Variants in KIF2A observed in about 807,000 individuals in gnomAD.
KIF2A encodes the protein kinesin family member 2A, also known as kinesin-like protein KIF2A.
In KIF2A, 22 loss-of-function variants were observed where a neutral mutation model predicts 100.2. The observed-to-expected ratio is 0.22, with a 90% confidence interval of 0.16 to 0.31. The LOEUF (loss-of-function observed/expected upper bound fraction) is 0.31. Ranked by LOEUF, KIF2A falls within the 10% of genes least tolerant of loss-of-function variation. The probability of loss-of-function intolerance (pLI) is 1.00; values close to 1 mark genes in which losing one functional copy is unlikely to be tolerated. For synonymous variants in KIF2A, 268 were observed against 285.9 expected (o/e 0.94, Z 0.63); for missense variants, 495 against 898.7 (o/e 0.55, Z 5.74).
intron 1 of KIF2A, among the ~76,000 whole-genome samples, chr5:62,320,321 C>T (rs1472463432): frequency 6.6e-6 from 1 of 152,142 alleles, no homozygotes; most frequent in Non-Finnish European, 1.5e-5. Context: ...TAGCCTTCAA[C>T]TCTTGACATT....
intron 1 of KIF2A, among the ~76,000 whole-genome samples, chr5:62,332,806 A>G (rs1470699804): frequency 1.3e-5 from 2 of 152,220 alleles, no homozygotes; most frequent in Non-Finnish European, 2.9e-5. Flanking sequence ...AGATTAACAA[A>G]TCAGATTTAT....
At position 62,388,370 on chromosome 5, in the gene KIF2A, T is replaced by A. The variant is rs1742134154; in HGVS notation, c.*2801T>A. On this transcript the variant is annotated 3_prime_UTR_variant, in exon 21 of 21. Coordinates refer to ENST00000407818, the MANE Select transcript of KIF2A (RefSeq NM_001098511.3). ...TTTTACATGTTGGGAGTCATGCCCT[T>A]TAATATGCCTGGCACTGCACGGTGG... 6.6e-6 allele frequency: 1 copy of A among 152,264 alleles called. No homozygotes were observed. The highest frequency in any genetic ancestry group is 1.5e-5 in the Non-Finnish European group (1 of 68,074). 9.4% of individuals were successfully genotyped at this position (152,264 alleles called of 1,614,324 possible).
In KIF2A at chr5:62,373,713, C is replaced by T. The variant is rs1189394916; in HGVS notation, c.1787C>T (p.Thr596Ile). 1 of 1,613,566 alleles carries T rather than the reference C, an allele frequency of 6.2e-7. No individual in the cohort carries two copies. Among genetic ancestry groups the T allele is most frequent in the Admixed American group, 1.7e-5 (1 of 59,998 alleles). ...GTCAAAGAATTGACTGTAGATCCAACTGCTGCTGGTGATGTTCGTCCAATA... is the reference window on the plus strand; with the variant it reads ...GTCAAAGAATTGACTGTAGATCCAATTGCTGCTGGTGATGTTCGTCCAATA... ...TRVKELTVDP[T>I]AAGDVRPIMH... Residue 596 changes from threonine to isoleucine, a missense_variant, in exon 18 of 21, where the codon ACT becomes ATT. Around this residue, in one of 10 missense-constraint regions of KIF2A, gnomAD observed 100 missense variants for 138.2 expected, o/e 0.72. Transcript: ENST00000407818.
At chr5:62,384,087 AT>A (rs1741909210) in intron 20 of KIF2A, among the ~76,000 whole-genome samples, 1 of 152,096 alleles carries the variant, frequency 6.6e-6, no homozygotes, top group Admixed American at 6.5e-5. Context: ...AAATACAAAA[AT>A]TAGCCAGGCA....
intron 1 of KIF2A, among the ~76,000 whole-genome samples, chr5:62,344,933 T>C (rs796212229): frequency 2.0e-5 from 3 of 152,364 alleles, no homozygotes; most frequent in African/African-American, 7.2e-5. Context: ...TATGGATTTT[T>C]ATATGAGCTC....
chr5:62,324,496 C>T (rs1359398371), intron 1 of KIF2A, among the ~76,000 whole-genome samples: 3 of 152,070 alleles, frequency 2.0e-5, no homozygotes, highest in Admixed American at 6.5e-5. Flanking sequence ...AGCGCGGTAC[C>T]GATATAAAAA....
intron 1 of KIF2A, 140 bp downstream of exon 1, chr5:62,306,676 T>C: frequency 3.0e-6 from 2 of 666,830 alleles, no homozygotes; most frequent in Non-Finnish European, 5.0e-6. Context: ...CGCTTTTGTG[T>C]GTGGCGTGTG....
chr5:62,346,316 C>T (rs1227703145), intron 1 of KIF2A, among the ~76,000 whole-genome samples: 1 of 152,062 alleles, frequency 6.6e-6, no homozygotes, highest in East Asian at 1.9e-4. Context: ...TAGAAGAGGA[C>T]ATTTTAAATG....
intron 1 of KIF2A, among the ~76,000 whole-genome samples, chr5:62,313,942 C>T (rs576682636): frequency 2.6e-5 from 4 of 152,092 alleles, no homozygotes; most frequent in African/African-American, 9.6e-5. Context: ...CAGGTATGCA[C>T]AACCATGCCT....
At chr5:62,314,765 T>TG (rs963204184) in intron 1 of KIF2A, among the ~76,000 whole-genome samples, 4 of 146,816 alleles carry the variant, frequency 2.7e-5, no homozygotes, top group African/African-American at 7.5e-5. Context: ...ACTGTTTTTT[T>TG]TTTTTTTTTT....
chr5:62,358,263 C>G lies in KIF2A; in HGVS notation c.836C>G (p.Ala279Gly). 1.3e-6 allele frequency: 2 copies of G among 1,594,578 alleles called. No individual in the cohort carries two copies. Among genetic ancestry groups the G allele is most frequent in the Non-Finnish European group, 1.7e-6 (2 of 1,174,008 alleles). Residue 279 changes from alanine to glycine, a missense_variant, in exon 9 of 21, where the codon GCC becomes GGC. Coordinates refer to ENST00000407818, the MANE Select transcript of KIF2A (RefSeq NM_001098511.3). Reference sequence around the variant, plus strand: ...AACCAAACATTTCGTTTTGATTATGCCTTTGATGACTCAGCTCCTAATGAA... The same window carrying G: ...AACCAAACATTTCGTTTTGATTATGGCTTTGATGACTCAGCTCCTAATGAA... ...LENQTFRFDY[A>G]FDDSAPNEMV...
At chr5:62,350,151 C>A in intron 4 of KIF2A, 31 bp downstream of exon 4, 1 of 1,279,594 alleles carries the variant, frequency 7.8e-7, no homozygotes, top group Non-Finnish European at 1.1e-6. Flanking sequence ...TTAATTTTGG[C>A]TATTGACTTC....
At chr5:62,331,844 GA>G (rs1222790464) in intron 1 of KIF2A, among the ~76,000 whole-genome samples, 2 of 150,656 alleles carry the variant, frequency 1.3e-5, no homozygotes, top group East Asian at 3.9e-4. Flanking sequence ...GCTTGGATCT[GA>G]AAAGAATTGA....
rs539107433 is a variant in KIF2A at position 62,390,815 on chromosome 5, C to G, written c.*5246C>G. On this transcript the variant is annotated 3_prime_UTR_variant, in exon 21 of 21. Transcript: ENST00000407818. ...TACCGCTTAAAAGCCTTTAAAATCT[C>G]CAATCTGAAGGTGTCACAGTAAAGA... The G allele has an allele frequency of 1.1e-4, 151 of 1,388,582 alleles. 4 individuals carry two copies. The South Asian group carries it at 1.1e-3, about 10-fold the overall frequency. The allele number at this position is 1,388,582 out of a possible 1,614,324, so 86.0% of individuals were successfully genotyped here. A position where few individuals can be genotyped will look rare whatever the true frequency, so the allele number is the denominator to read the frequency against.
Position 62,373,565 on chromosome 5 carries a change from A to G in KIF2A, c.1761-122A>G, listed in dbSNP as rs182840019. On this transcript the variant is annotated intron_variant, in intron 17 of 20. Coordinates refer to ENST00000407818, the MANE Select transcript of KIF2A (RefSeq NM_001098511.3). Reference sequence around the variant, plus strand: ...TACAGATTTCAGATAAATTTTACCTATAAAGGTGACATCATCAATCTTAGT... The same window carrying G: ...TACAGATTTCAGATAAATTTTACCTGTAAAGGTGACATCATCAATCTTAGT... 4.6e-4 allele frequency: 319 copies of G among 688,962 alleles called. 2 individuals are homozygous for G. The African/African-American group carries it at 5.4e-3, about 12-fold the overall frequency. The allele number at this position is 688,962 out of a possible 1,614,324, so 42.7% of individuals were successfully genotyped here.
intron 1 of KIF2A, among the ~76,000 whole-genome samples, chr5:62,318,448 T>C (rs1007982218): frequency 6.6e-5 from 10 of 152,228 alleles, no homozygotes; most frequent in Admixed American, 1.3e-4. Context: ...GTGTGTTTAT[T>C]TTTTAAATTA....
At chr5:62,346,418 A>G (rs1747572926) in intron 1 of KIF2A, among the ~76,000 whole-genome samples, 1 of 152,162 alleles carries the variant, frequency 6.6e-6, no homozygotes, top group South Asian at 2.1e-4. Flanking sequence ...TTTAAGTAAA[A>G]AGTATTTTAT....
chr5:62,306,563 C>T, intron 1 of KIF2A, 27 bp downstream of exon 1: 2 of 1,532,736 alleles, frequency 1.3e-6, no homozygotes, highest in Non-Finnish European at 1.8e-6. Context: ...GCCCCGCTGG[C>T]CCGCTCGGCC....
intron 14 of KIF2A, among the ~76,000 whole-genome samples, chr5:62,364,109 G>GTT (rs1740941344): frequency 6.6e-6 from 1 of 150,828 alleles, no homozygotes; most frequent in South Asian, 2.1e-4. Flanking sequence ...GGATATGTGA[G>GTT]TTAGTAGGTC....
Sources: allele counts gnomAD v4.1 joint callset (sites outside exome capture counted in the v4.1 genomes callset), GRCh38; gene constraint gnomAD v4.1.1; regional missense constraint gnomAD v4.1.1; transcripts MANE v1.5; gene names NCBI Gene and HGNC (gene_info 2026-07-23, HGNC 2026-07-21).